Variants in SNTB1 observed in about 807,000 individuals in gnomAD.
The protein encoded by SNTB1 is beta-1-syntrophin.
A neutral mutation model predicts 48.9 loss-of-function variants in SNTB1; 36 were observed. The observed-to-expected ratio is 0.74, with a 90% CI of 0.56 to 0.97. SNTB1 has a LOEUF of 0.97. SNTB1 is among the 50% of genes least tolerant of loss of function. The probability of loss-of-function intolerance (pLI) is 0.00; values close to 1 mark genes in which losing one functional copy is unlikely to be tolerated. For missense variants in SNTB1, 786 were observed against 703.4 expected, an observed-to-expected ratio of 1.12 and a Z score of -1.33; for synonymous variants, 299 against 294.6, an observed-to-expected ratio of 1.01 and a Z score of -0.15.
chr8:120,551,273 G>T (rs1001694880), intron 4 of SNTB1, among the ~76,000 whole-genome samples: 1 of 135,232 alleles, frequency 7.4e-6, no homozygotes. Context: ...AAAAAAAAAA[G>T]AAATTAAATA....
At chr8:120,578,248 G>T (rs529077552) in intron 3 of SNTB1, among the ~76,000 whole-genome samples, 81 of 150,842 alleles carry the variant, frequency 5.4e-4, no homozygotes, top group Middle Eastern at 6.8e-3. Flanking sequence ...CACTGTGTTA[G>T]CCAGGATGGT....
At chr8:120,620,379 T>A (rs1816775155) in intron 3 of SNTB1, among the ~76,000 whole-genome samples, 1 of 152,144 alleles carries the variant, frequency 6.6e-6, no homozygotes, top group African/African-American at 2.4e-5. Context: ...AAATATTTTT[T>A]AAAAACTTGT....
chr8:120,697,506 G>T (rs1470528350), intron 1 of SNTB1, among the ~76,000 whole-genome samples: 1 of 152,196 alleles, frequency 6.6e-6, no homozygotes, highest in East Asian at 1.9e-4. Flanking sequence ...TGATATGAGT[G>T]CTTATGTTAA....
intron 1 of SNTB1, among the ~76,000 whole-genome samples, chr8:120,710,498 G>A (rs140908946): frequency 2.4e-4 from 36 of 152,232 alleles, no homozygotes; most frequent in South Asian, 2.3e-3. Context: ...GTTAGAATGC[G>A]TCCCCTCCAA....
At chr8:120,558,966 T>C (rs1012198856) in intron 4 of SNTB1, among the ~76,000 whole-genome samples, 3 of 152,182 alleles carry the variant, frequency 2.0e-5, no homozygotes, top group African/African-American at 7.2e-5. Flanking sequence ...ATCTGTTAAA[T>C]GAATGACTAA....
intron 3 of SNTB1, 112 bp from the exon 4 acceptor site, chr8:120,575,337 T>A: frequency 7.9e-7 from 1 of 1,258,270 alleles, no homozygotes; most frequent in Middle Eastern, 2.5e-4. Context: ...GTCTTTTGGT[T>A]TGGTTGCAAA....
At chr8:120,596,727 G>A (rs975305808) in intron 3 of SNTB1, among the ~76,000 whole-genome samples, 2 of 152,140 alleles carry the variant, frequency 1.3e-5, no homozygotes, top group Non-Finnish European at 2.9e-5. Flanking sequence ...AGCCAGCAAT[G>A]GTGGATAAAC....
intron 1 of SNTB1, among the ~76,000 whole-genome samples, chr8:120,695,242 A>T (rs933165372): frequency 1.3e-5 from 2 of 152,224 alleles, no homozygotes; most frequent in African/African-American, 4.8e-5. Context: ...TCTTTGATGA[A>T]TCGGTTCCAC....
chr8:120,637,680 C>T, intron 2 of SNTB1: 1 of 390,366 alleles, frequency 2.6e-6, no homozygotes, highest in Non-Finnish European at 5.0e-6. Flanking sequence ...AATAAAAATT[C>T]TATGATCCCA....
chr8:120,585,638 G>T (rs754977737), intron 3 of SNTB1, among the ~76,000 whole-genome samples: 23 of 152,284 alleles, frequency 1.5e-4, no homozygotes, highest in South Asian at 8.3e-4. Flanking sequence ...CAATTGAAGG[G>T]CTAGTAAATG....
chr8:120,603,928 G>A (rs754755136), intron 3 of SNTB1, among the ~76,000 whole-genome samples: 5 of 152,168 alleles, frequency 3.3e-5, no homozygotes, highest in Non-Finnish European at 7.4e-5. Context: ...TGAAGAAGAG[G>A]TGTCTGCAGC....
At chr8:120,782,060 G>T (rs750427368) in intron 1 of SNTB1, among the ~76,000 whole-genome samples, 8 of 152,180 alleles carry the variant, frequency 5.3e-5, no homozygotes, top group Non-Finnish European at 1.0e-4. Flanking sequence ...CCTCTAAGGG[G>T]CTGTGAGAGA....
At chr8:120,711,915 T>G (rs1030716764) in intron 1 of SNTB1, among the ~76,000 whole-genome samples, 4 of 152,176 alleles carry the variant, frequency 2.6e-5, no homozygotes, top group Admixed American at 2.6e-4. Context: ...TTCAAATATG[T>G]TTTAAATGGA....
chr8:120,688,376 C>T (rs533351274), intron 2 of SNTB1, among the ~76,000 whole-genome samples: 1 of 151,964 alleles, frequency 6.6e-6, no homozygotes, highest in African/African-American at 2.4e-5. Flanking sequence ...AATATTTTTT[C>T]AAAAGACATT....
chr8:120,596,319 A>G (rs1816324853), intron 3 of SNTB1, among the ~76,000 whole-genome samples: 1 of 152,250 alleles, frequency 6.6e-6, no homozygotes. Flanking sequence ...ATCAACATTT[A>G]TTAATTTTGA....
intron 4 of SNTB1, among the ~76,000 whole-genome samples, chr8:120,556,397 T>A (rs1161738228): frequency 3.3e-5 from 5 of 152,202 alleles, no homozygotes; most frequent in Admixed American, 2.0e-4. Context: ...AGATCAGTGA[T>A]TATGGCACAA....
chr8:120,807,358 C>G (rs929002896), intron 1 of SNTB1, among the ~76,000 whole-genome samples: 1 of 152,220 alleles, frequency 6.6e-6, no homozygotes, highest in African/African-American at 2.4e-5. Context: ...CCAGAGGGTG[C>G]GATTGACACT....
chr8:120,693,582 G>A (rs1305319137), intron 2 of SNTB1, 110 bp downstream of exon 2: 1 of 864,906 alleles, frequency 1.2e-6, no homozygotes, highest in East Asian at 2.6e-5. Flanking sequence ...GCTTTTCTTT[G>A]GAAGCCATGA....
chr8:120,811,809 G>A lies in SNTB1; in HGVS notation c.35C>T (p.Pro12Leu), dbSNP rs758556214. 10 of 1,371,730 alleles carry A rather than the reference G, an allele frequency of 7.3e-6. No individual in the cohort carries two copies. Among genetic ancestry groups the A allele is most frequent in the Non-Finnish European group, 8.4e-6 (9 of 1,066,242 alleles). 85.0% of individuals were successfully genotyped at this position (1,371,730 alleles called of 1,614,324 possible). The change falls in exon 1 of 7, where the codon CCG (proline) becomes CTG (leucine). Residue 12 changes from proline (P) to leucine (L), a missense_variant. Physicochemically the swap from Pro to Leu is moderately conservative, Grantham distance 98 (BLOSUM62 -3). Transcript: ENST00000517992. ...AVAAAAAAAG[P>L]AGAGGGRAQR... ...CGCCCGGCCGCCTCCCGCGCCAGCC[G>A]GCCCAGCCGCCGCCGCCGCCGCCGC...
Sources: allele counts gnomAD v4.1 joint callset (sites outside exome capture counted in the v4.1 genomes callset), GRCh38; gene constraint gnomAD v4.1.1; transcripts MANE v1.5; gene names NCBI Gene and HGNC (gene_info 2026-07-23, HGNC 2026-07-21).